NRDC: variants seen among roughly 807,000 people sequenced by gnomAD.
The protein encoded by NRDC is nardilysin convertase, also known as nardilysin.
Under a neutral mutation model 147.1 loss-of-function variants are expected in NRDC, and 54 were observed. That is an observed-to-expected ratio of 0.37 (90% CI 0.29 to 0.46). The LOEUF (loss-of-function observed/expected upper bound fraction) is 0.46, where lower values mean the gene tolerates loss of function less well. NRDC is among the 20% of genes least tolerant of loss of function. The pLI is 1.00. For missense variants in NRDC, 1,082 were observed against 1,370.6 expected (o/e 0.79, Z 3.33); for synonymous variants, 440 against 482.1 (o/e 0.91, Z 1.14).
In NRDC at chr1:51,798,607, A is replaced by C. The variant is rs1679044442; in HGVS notation, c.2442-196T>G. On this transcript the variant is annotated intron_variant, in intron 21 of 30. Coordinates refer to ENST00000352171, the MANE Select transcript of NRDC (RefSeq NM_001101662.2). ...AAACCACATACACAAACTTTAAACAAATTTACTTAGCAGTACAAAAATGCA... is the reference window on the plus strand; with the variant it reads ...AAACCACATACACAAACTTTAAACACATTTACTTAGCAGTACAAAAATGCA... The C allele has an allele frequency of 2.2e-5, 11 of 504,420 alleles. 1 individual carries two copies. The South Asian group carries it at 3.2e-4, about 15-fold the overall frequency. 31.2% of individuals were successfully genotyped at this position (504,420 alleles called of 1,614,324 possible).
chr1:51,828,123 G>A (rs1432499045), intron 4 of NRDC, among the ~76,000 whole-genome samples: 4 of 152,112 alleles, frequency 2.6e-5, no homozygotes, highest in Admixed American at 2.6e-4. Context: ...CACCTGAGTG[G>A]CCCACCCAGG....
At chr1:51,789,763 A>G in intron 29 of NRDC, 106 bp from the exon 30 acceptor site, 1 of 761,414 alleles carries the variant, frequency 1.3e-6, no homozygotes, top group Non-Finnish European at 2.3e-6. Context: ...TGAAGACCTC[A>G]TTTTATTCTT....
intron 27 of NRDC, among the ~76,000 whole-genome samples, chr1:51,791,314 G>A (rs929848691): frequency 1.3e-5 from 2 of 152,076 alleles, no homozygotes; most frequent in Non-Finnish European, 1.5e-5. Context: ...TTCCCTTCTT[G>A]TCCTCAGGTC....
chr1:51,865,721 GA>G lies in NRDC; in HGVS notation c.341+12553del, dbSNP rs144115672. 2.9e-3 allele frequency among the ~76,000 whole-genome samples: 440 copies of G among 152,212 alleles called. 2 individuals are homozygous for G. Among genetic ancestry groups the G allele is most frequent in the African/African-American group, 0.01 (434 of 41,552 alleles). ...TTGACTAACCTTTAAAAAAAAGTGA[GA>G]AATACAATTTTCCACAGATAGTAAT... On this transcript the variant is annotated intron_variant, in intron 1 of 30. Transcript: ENST00000352171.
rs189906371 is a variant in NRDC, at chr1:51,797,117, G to A, written c.2604+1132C>T. ...TGGGAGGCTGAGGCAGGAGAATGGC[G>A]TGAACCGAAGAGGTGGAGGTTGCAG... On this transcript the variant is annotated intron_variant, in intron 22 of 30. Transcript: ENST00000352171. Among the ~76,000 whole-genome samples, 162 of 151,922 alleles carry A rather than the reference G, an allele frequency of 1.1e-3. 4 individuals are homozygous for A. In the East Asian group the frequency reaches 0.024, roughly 22 times the overall value.
chr1:51,834,614 C>T (rs766940544), intron 3 of NRDC, among the ~76,000 whole-genome samples: 1 of 152,072 alleles, frequency 6.6e-6, no homozygotes, highest in Non-Finnish European at 1.5e-5. Flanking sequence ...CCACACCTGA[C>T]CCTAAATAAT....
At chr1:51,852,041 T>G (rs1176312976) in intron 1 of NRDC, among the ~76,000 whole-genome samples, 1 of 152,196 alleles carries the variant, frequency 6.6e-6, no homozygotes, top group African/African-American at 2.4e-5. Flanking sequence ...TTTGGTATGC[T>G]TTTTGGTACA....
intron 1 of NRDC, among the ~76,000 whole-genome samples, chr1:51,875,057 C>T (rs1683256946): frequency 6.6e-6 from 1 of 152,192 alleles, no homozygotes; most frequent in Non-Finnish European, 1.5e-5. Flanking sequence ...CCTAGAAAGA[C>T]TTCACAGAGG....
intron 5 of NRDC, 116 bp from the exon 6 acceptor site, chr1:51,825,498 A>T: frequency 1.3e-6 from 1 of 781,064 alleles, no homozygotes; most frequent in Non-Finnish European, 2.1e-6. Context: ...TTCATGAATC[A>T]CGTGTTATAA....
At chr1:51,835,798 C>A (rs1680938514) in intron 3 of NRDC, among the ~76,000 whole-genome samples, 1 of 152,140 alleles carries the variant, frequency 6.6e-6, no homozygotes, top group South Asian at 2.1e-4. Context: ...TGGCTGGGGG[C>A]CTTGCTAACC....
At chr1:51,821,966 T>C (rs903634068) in intron 7 of NRDC, among the ~76,000 whole-genome samples, 1 of 152,158 alleles carries the variant, frequency 6.6e-6, no homozygotes, top group South Asian at 2.1e-4. Context: ...ATCTCATCAG[T>C]ACTTTTATAT....
intron 4 of NRDC, among the ~76,000 whole-genome samples, chr1:51,833,667 G>A (rs1557918189): frequency 6.6e-6 from 1 of 152,084 alleles, no homozygotes; most frequent in Non-Finnish European, 1.5e-5. Flanking sequence ...GGAGTGCAGT[G>A]GTGTGACTGT....
intron 7 of NRDC, among the ~76,000 whole-genome samples, chr1:51,822,868 G>A (rs1474905364): frequency 6.6e-6 from 1 of 152,138 alleles, no homozygotes; most frequent in African/African-American, 2.4e-5. Context: ...TTACATCTAA[G>A]AGCCAAGTCA....
intron 11 of NRDC, among the ~76,000 whole-genome samples, chr1:51,815,182 CTTTTTTTTT>C (rs869244434): frequency 3.2e-5 from 4 of 125,552 alleles, no homozygotes; most frequent in African/African-American, 1.2e-4. Context: ...ACCTTTTTTT[CTTTTTTTTT>C]TTTTTTTTTT....
chr1:51,837,490 CT>C, intron 2 of NRDC: 1 of 1,582,814 alleles, frequency 6.3e-7, no homozygotes, highest in Non-Finnish European at 8.6e-7. Context: ...GCCTAACCTG[CT>C]TTCAGCTCCA....
In NRDC at chr1:51,871,099, C is replaced by T. The variant is rs550990946; in HGVS notation, c.341+7176G>A. ...TGGGAGGCTGAGACAGGTGGATCACCTGAGGTCAGGAGTTCAAAACCAGCC... is the reference window on the plus strand; with the variant it reads ...TGGGAGGCTGAGACAGGTGGATCACTTGAGGTCAGGAGTTCAAAACCAGCC... On this transcript the variant is annotated intron_variant, in intron 1 of 30. Transcript: ENST00000352171. 3.3e-5 allele frequency among the ~76,000 whole-genome samples: 5 copies of T among 152,136 alleles called. No homozygotes were observed. The South Asian group carries it at 1.0e-3, about 32-fold the overall frequency.
At chr1:51,794,938 C>T (rs1215066564) in intron 22 of NRDC, 84 bp from the exon 23 acceptor site, 3 of 1,595,140 alleles carry the variant, frequency 1.9e-6, no homozygotes, top group Non-Finnish European at 2.6e-6. Context: ...GTTCCAATTG[C>T]TTGGGGAGCC....
chr1:51,810,261 C>T lies in NRDC; in HGVS notation c.1903+20G>A, dbSNP rs765550161. The T allele has an allele frequency of 5.1e-6, 8 of 1,553,594 alleles. No individual in the cohort carries two copies. The highest frequency in any genetic ancestry group is 4.8e-5 in the South Asian group (4 of 82,772). On this transcript the variant is annotated intron_variant, in intron 16 of 30. Coordinates refer to ENST00000352171, the MANE Select transcript of NRDC (RefSeq NM_001101662.2). ...AAGTTAAATATACCTAAATGTAAGA[C>T]AATTGTTAAAATATTTTACCTTCTA...
chr1:51,790,250 CTT>C (rs1255230388), intron 29 of NRDC, among the ~76,000 whole-genome samples: 1 of 152,320 alleles, frequency 6.6e-6, no homozygotes, highest in African/African-American at 2.4e-5. Context: ...CGGCAAAACT[CTT>C]TTTCTCCACA....
Sources: allele counts gnomAD v4.1 joint callset (sites outside exome capture counted in the v4.1 genomes callset), GRCh38; gene constraint gnomAD v4.1.1; transcripts MANE v1.5; gene names NCBI Gene and HGNC (gene_info 2026-07-23, HGNC 2026-07-21).